EIF5B: variants seen among roughly 807,000 people sequenced by gnomAD.
The protein encoded by EIF5B is eIF-5B.
A neutral mutation model predicts 147.5 loss-of-function variants in EIF5B; 47 were observed. The observed-to-expected ratio is 0.32, with a 90% CI of 0.25 to 0.41. The LOEUF is 0.41. EIF5B is among the 10% of genes least tolerant of loss of function. EIF5B has a pLI of 1.00. For missense variants in EIF5B, 1,064 were observed against 1,413.2 expected (o/e 0.75, Z 3.96); for synonymous variants, 455 against 456.2 (o/e 1.00, Z 0.03).
At position 99,379,362 on chromosome 2, in the gene EIF5B, A is replaced by G. The variant is rs1386552547; in HGVS notation, c.1995A>G (p.Thr665=). The change falls in exon 12 of 24, where the codon ACA becomes ACG. Residue 665 remains threonine (T), a synonymous_variant. Transcript: ENST00000289371. ...HVQDGEAGGI[T]QQIGATNVPL... ...AAGATGGTGAAGCAGGTGGTATCAC[A>G]CAACAAATTGGGGCCACCAATGTTC... 6.2e-7 allele frequency: 1 copy of G among 1,613,750 alleles called. No homozygotes were observed.
intron 23 of EIF5B, 124 bp from the exon 24 acceptor site, chr2:99,399,183 C>A: frequency 1.1e-6 from 1 of 949,524 alleles, no homozygotes; most frequent in Non-Finnish European, 1.6e-6. Context: ...CTTAGGCAGG[C>A]AAGCCCTGTT....
chr2:99,396,866 C>A lies in EIF5B; in HGVS notation c.3361C>A (p.Gln1121Lys). The change falls in exon 22 of 24, where the codon CAG (glutamine) becomes AAG (lysine). Residue 1121 changes from glutamine to lysine, a missense_variant. By Grantham distance (53) the Gln-to-Lys change is moderately conservative. Coordinates refer to ENST00000289371, the MANE Select transcript of EIF5B (RefSeq NM_015904.4). Reference protein sequence around the residue: ...GVTVEAGQVKQGTPMCVPSKN... With the variant: ...GVTVEAGQVKKGTPMCVPSKN... ...GACGGTGGAAGCAGGTCAGGTGAAA[C>A]AGGGGACACCCATGTGTGTCCCAAG... The A allele has an allele frequency of 6.2e-7, 1 of 1,610,042 alleles. No homozygotes were observed. The highest frequency in any genetic ancestry group is 8.5e-7 in the Non-Finnish European group (1 of 1,179,080).
intron 1 of EIF5B, among the ~76,000 whole-genome samples, chr2:99,345,231 T>C (rs1436851315): frequency 1.3e-5 from 2 of 152,224 alleles, no homozygotes; most frequent in Non-Finnish European, 2.9e-5. Flanking sequence ...TTGCCTGTTG[T>C]ATGAGAGTCG....
intron 1 of EIF5B, among the ~76,000 whole-genome samples, chr2:99,351,874 A>G (rs997562704): frequency 3.3e-5 from 5 of 151,006 alleles, no homozygotes; most frequent in African/African-American, 9.7e-5. Context: ...CTTTTTTTGT[A>G]TTTTTAGTAG....
At chr2:99,371,981 A>G (rs1024389093) in intron 9 of EIF5B, among the ~76,000 whole-genome samples, 5 of 94,452 alleles carry the variant, frequency 5.3e-5, no homozygotes, top group Non-Finnish European at 8.3e-5. Context: ...TTTCAGAGTG[A>G]TGATGTTACA....
chr2:99,350,748 C>T (rs1028105590), intron 1 of EIF5B, among the ~76,000 whole-genome samples: 1 of 152,036 alleles, frequency 6.6e-6, no homozygotes. Flanking sequence ...TTGTATTTGT[C>T]GGTTTATGCT....
intron 1 of EIF5B, among the ~76,000 whole-genome samples, chr2:99,349,878 T>G (rs1245028950): frequency 1.3e-5 from 2 of 152,238 alleles, no homozygotes. Context: ...GTCATCCTAC[T>G]GTGAAGTAGA....
chr2:99,387,420 A>AT (rs1015215659), intron 14 of EIF5B, among the ~76,000 whole-genome samples: 4 of 152,034 alleles, frequency 2.6e-5, no homozygotes, highest in Non-Finnish European at 5.9e-5. Context: ...TGAAAAAATT[A>AT]TTTTTTTCCC....
chr2:99,380,751 TTG>T (rs1232216712), intron 12 of EIF5B, among the ~76,000 whole-genome samples: 2 of 152,232 alleles, frequency 1.3e-5, no homozygotes, highest in Non-Finnish European at 2.9e-5. Flanking sequence ...GTCTATGAGT[TTG>T]TCTCTCCAGT....
rs762523872 is a variant in EIF5B at position 99,371,714 on chromosome 2, TGAG to T, written c.1540_1542del (p.Glu514del). On this transcript the variant is annotated inframe_deletion, in exon 9 of 24. Coordinates refer to ENST00000289371, the MANE Select transcript of EIF5B (RefSeq NM_015904.4). ...ATGATTGGGAAGCTATGGCCAGTGATGAGGAGACAGAAAAAGGTGAATACCTCA... is the reference window on the plus strand; with the variant it reads ...ATGATTGGGAAGCTATGGCCAGTGATGAGACAGAAAAAGGTGAATACCTCA... 3 of 1,612,990 alleles carry T rather than the reference TGAG, an allele frequency of 1.9e-6. No homozygotes were observed. The highest frequency in any genetic ancestry group is 1.1e-5 in the South Asian group (1 of 90,860).
At position 99,385,173 on chromosome 2, in the gene EIF5B, A is replaced by C. The variant is rs562106183; in HGVS notation, c.2271+2252A>C. On this transcript the variant is annotated intron_variant, in intron 14 of 23. Transcript: ENST00000289371. ...GCGATTCTCCTGCCTCAGCCTCCCGAGTAGCTGGGATTACAGGCATGCGCC... is the reference window on the plus strand; with the variant it reads ...GCGATTCTCCTGCCTCAGCCTCCCGCGTAGCTGGGATTACAGGCATGCGCC... Among the ~76,000 whole-genome samples the C allele has an allele frequency of 3.9e-4, 60 of 152,172 alleles. 2 individuals carry two copies. The South Asian group carries it at 9.9e-3, about 25-fold the overall frequency.
chr2:99,367,299 A>C (rs1315997502), intron 6 of EIF5B, among the ~76,000 whole-genome samples: 3 of 152,202 alleles, frequency 2.0e-5, no homozygotes, highest in Non-Finnish European at 4.4e-5. Context: ...ATTCAACTAT[A>C]AGAAAACCAA....
At chr2:99,398,951 A>T in intron 23 of EIF5B, 42 bp downstream of exon 23, 1 of 1,594,902 alleles carries the variant, frequency 6.3e-7, no homozygotes. Flanking sequence ...AGCAACAGGG[A>T]ATCACTCTTC....
chr2:99,394,663 T>G (rs1173703274), intron 20 of EIF5B, 56 bp from the exon 21 acceptor site: 2 of 1,610,464 alleles, frequency 1.2e-6, no homozygotes, highest in African/African-American at 2.7e-5. Context: ...AAAACTGTCC[T>G]CTGTGACATA....
chr2:99,361,486 A>C lies in EIF5B; in HGVS notation c.585A>C (p.Gln195His), dbSNP rs1463999500. 3.2e-5 allele frequency: 52 copies of C among 1,613,892 alleles called. No homozygotes were observed. Among genetic ancestry groups the C allele is most frequent in the Non-Finnish European group, 4.4e-5 (52 of 1,180,006 alleles). The change falls in exon 4 of 24, where the codon CAA becomes CAC. Residue 195 changes from glutamine to histidine, a missense_variant. By Grantham distance (24) the Gln-to-His change is conservative. Around this residue, in one of 4 missense-constraint regions of EIF5B, gnomAD observed 458 missense variants for 451.3 expected, o/e 1.01. Coordinates refer to ENST00000289371, the MANE Select transcript of EIF5B (RefSeq NM_015904.4). ...GTGATGAATCAGATGAATTTTTGCA[A>C]TCTAGAAAAGGACAGAAAAAAAATC... ...ESGDESDEFL[Q>H]SRKGQKKNQK...
Position 99,390,338 on chromosome 2 carries a change from A to G in EIF5B, c.2523A>G (p.Leu841=), listed in dbSNP as rs1674897876. 1.2e-6 allele frequency: 2 copies of G among 1,614,060 alleles called. No individual in the cohort carries two copies. Among genetic ancestry groups the G allele is most frequent in the Non-Finnish European group, 1.7e-6 (2 of 1,179,998 alleles). Residue 841 remains leucine, a synonymous_variant, in exon 16 of 24, where the codon TTA becomes TTG. Transcript: ENST00000289371. The stretch of plus-strand genomic sequence containing the variant: ...GTCTGATCTACCTTCTTGTAGAGTT[A>G]ACTCAGACCATGTTGAGCAAGAGAC... ...MGSLIYLLVE[L]TQTMLSKRLA...
At chr2:99,366,837 A>C (rs1467892886) in intron 6 of EIF5B, among the ~76,000 whole-genome samples, 1 of 152,214 alleles carries the variant, frequency 6.6e-6, no homozygotes, top group Non-Finnish European at 1.5e-5. Context: ...ACTTAGTATA[A>C]AGCTATAGGA....
Position 99,400,936 on chromosome 2 carries a change from G to A in EIF5B, c.*1522G>A, listed in dbSNP as rs1675291008. The A allele has an allele frequency of 5.9e-6, 1 of 169,120 alleles. No individual in the cohort carries two copies. The highest frequency in any genetic ancestry group is 1.3e-5 in the Non-Finnish European group (1 of 78,904). 10.5% of individuals were successfully genotyped at this position (169,120 alleles called of 1,614,324 possible). Reference sequence around the variant, plus strand: ...AGTTTTTAAGGATTCACAAAAAGGAGCCTGTACAAAATATACATACAGTTC... The same window carrying A: ...AGTTTTTAAGGATTCACAAAAAGGAACCTGTACAAAATATACATACAGTTC... On this transcript the variant is annotated 3_prime_UTR_variant, in exon 24 of 24. Transcript: ENST00000289371.
chr2:99,338,218 G>A (rs2094248730), intron 1 of EIF5B: 11 of 849,272 alleles, frequency 1.3e-5, no homozygotes, highest in African/African-American at 1.7e-5. Flanking sequence ...CCCTAAGAAA[G>A]GAAGGGAAGA....
Sources: gnomAD v4.1 joint callset for allele counts (sites outside exome capture counted in the v4.1 genomes callset) on GRCh38, gnomAD v4.1.1 for gene constraint, gnomAD v4.1.1 regional missense constraint, MANE v1.5 for transcripts, NCBI Gene and HGNC (gene_info 2026-07-23, HGNC 2026-07-21) for gene names.